The following CACNA2D3 variants were observed in gnomAD, a reference collection of about 807,000 sequenced individuals.
CACNA2D3 encodes the protein voltage-dependent calcium channel subunit alpha-2/delta-3.
A neutral mutation model predicts 160.6 loss-of-function variants in CACNA2D3; 60 were observed. That is an observed-to-expected ratio of 0.37 (90% CI 0.30 to 0.46). The LOEUF (loss-of-function observed/expected upper bound fraction) is 0.46, where lower values mean the gene tolerates loss of function less well. CACNA2D3 is among the 20% of genes least tolerant of loss of function. CACNA2D3 has a pLI of 1.00. For missense variants in CACNA2D3, 1,205 were observed against 1,365.0 expected, an observed-to-expected ratio of 0.88 and a Z score of 1.85; for synonymous variants, 558 against 492.9, an observed-to-expected ratio of 1.13 and a Z score of -1.75.
At chr3:54,325,769 C>T (rs893134907) in intron 3 of CACNA2D3, among the ~76,000 whole-genome samples, 41 of 152,162 alleles carry the variant, frequency 2.7e-4, no homozygotes, top group African/African-American at 9.4e-4. Flanking sequence ...GTAGCTAGAC[C>T]TACTCAGTGA....
intron 3 of CACNA2D3, among the ~76,000 whole-genome samples, chr3:54,383,155 G>A (rs1460337235): frequency 6.6e-6 from 1 of 152,108 alleles, no homozygotes; most frequent in Non-Finnish European, 1.5e-5. Flanking sequence ...GTAAATCTAT[G>A]GGAGATGGTT....
At chr3:54,320,347 CTTTA>C (rs142052482) in intron 2 of CACNA2D3, 91 bp from the exon 3 acceptor site, 6,951 of 568,580 alleles carry the variant, frequency 0.012, 123 homozygotes, top group Admixed American at 0.045. Flanking sequence ...GTAATTTTAT[CTTTA>C]TTTATTCCTT....
intron 4 of CACNA2D3, among the ~76,000 whole-genome samples, chr3:54,441,131 C>T (rs1278864917): frequency 6.6e-6 from 1 of 152,222 alleles, no homozygotes; most frequent in Admixed American, 6.5e-5. Flanking sequence ...TATTTCTCCA[C>T]ATCTTCTCCA....
chr3:54,298,454 G>C (rs1703388807), intron 2 of CACNA2D3, among the ~76,000 whole-genome samples: 1 of 152,228 alleles, frequency 6.6e-6, no homozygotes, highest in South Asian at 2.1e-4. Context: ...AGAGTTATTA[G>C]TACTTTGCAG....
chr3:54,294,448 TTGAG>T (rs58796454), intron 2 of CACNA2D3, among the ~76,000 whole-genome samples: 31,456 of 151,938 alleles, frequency 0.21, 3,400 homozygotes, highest in South Asian at 0.33. Context: ...GTCCTCTCCT[TTGAG>T]TGGTTGCTCA....
chr3:55,037,827 A>G (rs181899159), intron 35 of CACNA2D3, among the ~76,000 whole-genome samples: 1 of 152,332 alleles, frequency 6.6e-6, no homozygotes, highest in Admixed American at 6.5e-5. Flanking sequence ...TGTAAGGTAC[A>G]ACCCTGCCGT....
At chr3:54,178,200 G>T (rs1700711455) in intron 2 of CACNA2D3, among the ~76,000 whole-genome samples, 1 of 152,238 alleles carries the variant, frequency 6.6e-6, no homozygotes, top group Non-Finnish European at 1.5e-5. Context: ...GTGATGCTAA[G>T]ACTCAGGGTT....
intron 5 of CACNA2D3, among the ~76,000 whole-genome samples, chr3:54,540,370 T>C (rs1373281700): frequency 1.3e-5 from 2 of 152,170 alleles, no homozygotes; most frequent in African/African-American, 4.8e-5. Context: ...TAAAAATAAT[T>C]GAAGTACCAA....
chr3:54,170,978 C>T (rs1700551239), intron 2 of CACNA2D3, among the ~76,000 whole-genome samples: 2 of 151,642 alleles, frequency 1.3e-5, no homozygotes, highest in African/African-American at 4.8e-5. Flanking sequence ...ATAGAGAGAG[C>T]CTAGACAGGG....
intron 4 of CACNA2D3, among the ~76,000 whole-genome samples, chr3:54,435,162 A>G (rs1444580308): frequency 4.6e-5 from 7 of 152,302 alleles, no homozygotes; most frequent in South Asian, 4.1e-4. Context: ...CCTAGCATCA[A>G]TGAAGTGGAA....
At chr3:54,674,859 A>G (rs905987681) in intron 11 of CACNA2D3, among the ~76,000 whole-genome samples, 1 of 152,182 alleles carries the variant, frequency 6.6e-6, no homozygotes, top group Non-Finnish European at 1.5e-5. Flanking sequence ...GGCTATAACC[A>G]TGGGAGTAGG....
chr3:54,873,688 A>G (rs1406921717), intron 18 of CACNA2D3, among the ~76,000 whole-genome samples: 1 of 152,126 alleles, frequency 6.6e-6, no homozygotes, highest in East Asian at 1.9e-4. Context: ...GGACATCTCA[A>G]GCAAGTCCAG....
intron 4 of CACNA2D3, among the ~76,000 whole-genome samples, chr3:54,485,070 C>T (rs769427766): frequency 6.6e-6 from 1 of 152,080 alleles, no homozygotes; most frequent in Non-Finnish European, 1.5e-5. Flanking sequence ...TGGTCTCGAT[C>T]TCCTGACCTC....
At chr3:54,354,280 T>C (rs920516348) in intron 3 of CACNA2D3, among the ~76,000 whole-genome samples, 2 of 152,190 alleles carry the variant, frequency 1.3e-5, no homozygotes, top group African/African-American at 4.8e-5. Flanking sequence ...CACGATCCAG[T>C]TTGCTATTGT....
chr3:54,919,758 A>G (rs1232239252), intron 27 of CACNA2D3, among the ~76,000 whole-genome samples: 2 of 152,224 alleles, frequency 1.3e-5, no homozygotes, highest in Non-Finnish European at 2.9e-5. Flanking sequence ...TTTGTATCCA[A>G]CTTGATGGTT....
At chr3:54,931,469 G>A (rs997066169) in intron 27 of CACNA2D3, among the ~76,000 whole-genome samples, 29 of 152,092 alleles carry the variant, frequency 1.9e-4, no homozygotes, top group African/African-American at 6.5e-4. Context: ...CCTCCCTCCC[G>A]TGGTGAGCAG....
At chr3:54,571,117 T>C (rs1261645282) in intron 8 of CACNA2D3, among the ~76,000 whole-genome samples, 2 of 152,148 alleles carry the variant, frequency 1.3e-5, no homozygotes, top group Middle Eastern at 3.4e-3. Flanking sequence ...AGCTTATAGG[T>C]AGATTTTAAA....
In CACNA2D3 at chr3:55,039,901, C is replaced by T. The variant is rs192801553; in HGVS notation, c.2987+21584C>T. Among the ~76,000 whole-genome samples the T allele has an allele frequency of 3.2e-3, 489 of 152,160 alleles. 3 individuals are homozygous for T. The highest frequency in any genetic ancestry group is 0.011 in the African/African-American group (472 of 41,516). ...TAGTTCTACTTCCAAATCAAAATTGCGTGATTTTTAATTAACTTCTTGGAT... is the reference window on the plus strand; with the variant it reads ...TAGTTCTACTTCCAAATCAAAATTGTGTGATTTTTAATTAACTTCTTGGAT... On this transcript the variant is annotated intron_variant, in intron 35 of 37. Transcript: ENST00000474759.
intron 2 of CACNA2D3, among the ~76,000 whole-genome samples, chr3:54,284,588 C>A (rs945968928): frequency 6.6e-6 from 1 of 152,096 alleles, no homozygotes; most frequent in Non-Finnish European, 1.5e-5. Flanking sequence ...TTAAGGATGA[C>A]ATCTAATATA....
Sources: allele counts gnomAD v4.1 joint callset (sites outside exome capture counted in the v4.1 genomes callset), GRCh38; gene constraint gnomAD v4.1.1; transcripts MANE v1.5; gene names NCBI Gene and HGNC (gene_info 2026-07-23, HGNC 2026-07-21).